DNAJC3: variants seen among roughly 807,000 people sequenced by gnomAD.
The protein encoded by DNAJC3 is DnaJ heat shock protein family (Hsp40) member C3.
Under a neutral mutation model 68.6 loss-of-function variants are expected in DNAJC3, and 38 were observed. The ratio of observed to expected loss-of-function variants is 0.55; its 90% CI spans 0.43 to 0.73. The LOEUF (loss-of-function observed/expected upper bound fraction) is 0.73. DNAJC3 is among the 30% of genes least tolerant of loss of function. The pLI is 0.00. For missense variants in DNAJC3, 526 were observed against 591.9 expected (o/e 0.89, Z 1.16); for synonymous variants, 203 against 204.0 (o/e 1.00, Z 0.04).
intron 2 of DNAJC3, 39 bp from the exon 3 acceptor site, chr13:95,723,203 G>T (rs761216529): frequency 6.6e-7 from 1 of 1,520,268 alleles, no homozygotes; most frequent in Non-Finnish European, 8.9e-7. Flanking sequence ...TTTTATTTTT[G>T]AATAAATGAC....
At chr13:95,735,912 A>G (rs1881900868) in intron 4 of DNAJC3, among the ~76,000 whole-genome samples, 1 of 152,166 alleles carries the variant, frequency 6.6e-6, no homozygotes, top group Admixed American at 6.5e-5. Context: ...TATGTCCTGA[A>G]TGGTAATGCC....
chr13:95,732,072 C>A (rs368715210), intron 4 of DNAJC3, among the ~76,000 whole-genome samples: 7 of 151,882 alleles, frequency 4.6e-5, no homozygotes, highest in African/African-American at 1.7e-4. Flanking sequence ...CTATTGGATT[C>A]ATTTGCTAGT....
intron 1 of DNAJC3, chr13:95,692,844 G>A (rs960474345): frequency 6.7e-5 from 9 of 135,010 alleles, no homozygotes; most frequent in Admixed American, 1.5e-4. Flanking sequence ...TTTTTGAGAC[G>A]GAGTCTTGAT....
chr13:95,724,731 G>T (rs1362331280), intron 3 of DNAJC3, among the ~76,000 whole-genome samples: 2 of 152,116 alleles, frequency 1.3e-5, no homozygotes, highest in African/African-American at 2.4e-5. Context: ...ATGTAACATC[G>T]TATAATGTTT....
At chr13:95,728,626 G>C (rs1019625296) in intron 4 of DNAJC3, among the ~76,000 whole-genome samples, 1 of 152,020 alleles carries the variant, frequency 6.6e-6, no homozygotes, top group Non-Finnish European at 1.5e-5. Context: ...CTTTTCCTTT[G>C]ATCCTCTTCA....
intron 1 of DNAJC3, among the ~76,000 whole-genome samples, chr13:95,690,923 C>T (rs1880226696): frequency 1.7e-5 from 2 of 119,440 alleles, no homozygotes; most frequent in African/African-American, 3.2e-5. Flanking sequence ...GGGGGCTGAC[C>T]CCCCCCACCT....
At chr13:95,768,983 T>TA (rs1883086787) in intron 9 of DNAJC3, among the ~76,000 whole-genome samples, 1 of 148,154 alleles carries the variant, frequency 6.7e-6, no homozygotes, top group Non-Finnish European at 1.5e-5. Flanking sequence ...CTCCAAAAAA[T>TA]TATCTATATC....
intron 2 of DNAJC3, among the ~76,000 whole-genome samples, chr13:95,712,088 T>C (rs1330870109): frequency 6.6e-6 from 1 of 152,212 alleles, no homozygotes; most frequent in African/African-American, 2.4e-5. Flanking sequence ...TCAGTATTAG[T>C]CATCACATTA....
At chr13:95,690,052 A>T (rs1171015508) in intron 1 of DNAJC3, among the ~76,000 whole-genome samples, 2 of 151,252 alleles carry the variant, frequency 1.3e-5, no homozygotes, top group Non-Finnish European at 2.9e-5. Context: ...TGGCAGGGTC[A>T]CAGGACAATA....
intron 1 of DNAJC3, among the ~76,000 whole-genome samples, chr13:95,687,726 C>A (rs1455514729): frequency 6.6e-6 from 1 of 152,076 alleles, no homozygotes; most frequent in African/African-American, 2.4e-5. Context: ...CAGCTTAGTT[C>A]TTTTTGCTAA....
chr13:95,685,448 G>C (rs1437262644), intron 1 of DNAJC3, among the ~76,000 whole-genome samples: 4 of 152,166 alleles, frequency 2.6e-5, no homozygotes, highest in African/African-American at 9.7e-5. Context: ...TGATTTTATA[G>C]GCTTATAGGT....
chr13:95,788,717 C>T (rs1170713027), intron 11 of DNAJC3, among the ~76,000 whole-genome samples: 2 of 152,220 alleles, frequency 1.3e-5, no homozygotes, highest in African/African-American at 4.8e-5. Context: ...GCTGAATTCA[C>T]TTCCCCTTCC....
In DNAJC3 at chr13:95,729,328, T is replaced by C. The variant is rs1230520133; in HGVS notation, c.393+4076T>C. Among the ~76,000 whole-genome samples the C allele has an allele frequency of 2.7e-5, 3 of 110,064 alleles. No homozygotes were observed. The Admixed American group carries it at 2.8e-4, about 10-fold the overall frequency. 72.2% of individuals were successfully genotyped at this position (110,064 alleles called of 152,430 possible). ...CCTCTCCTTCTCCCTCTCCCTGTCCTTTTCCCTCTCCCTCTCCTTCTCCCC... is the reference window on the plus strand; with the variant it reads ...CCTCTCCTTCTCCCTCTCCCTGTCCCTTTCCCTCTCCCTCTCCTTCTCCCC... On this transcript the variant is annotated intron_variant, in intron 4 of 11. Transcript: ENST00000602402.
chr13:95,681,874 G>A lies in DNAJC3; in HGVS notation c.82+4537G>A, dbSNP rs915893072. Among the ~76,000 whole-genome samples the A allele has an allele frequency of 4.6e-5, 7 of 152,096 alleles. No individual in the cohort carries two copies. The East Asian group carries it at 1.2e-3, about 25-fold the overall frequency. ...GAAAATGAAAGCCATCACAAGGCAA[G>A]TTCTTCTTTCTACCTCAAAATTCAC... On this transcript the variant is annotated intron_variant, in intron 1 of 11. Coordinates refer to ENST00000602402, the MANE Select transcript of DNAJC3 (RefSeq NM_006260.5).
intron 1 of DNAJC3, among the ~76,000 whole-genome samples, chr13:95,707,633 T>C (rs1880798221): frequency 6.6e-6 from 1 of 152,168 alleles, no homozygotes; most frequent in Non-Finnish European, 1.5e-5. Flanking sequence ...TGTGTGTCAC[T>C]CATGGTCCGT....
chr13:95,750,138 C>T lies in DNAJC3; in HGVS notation c.394-7506C>T, dbSNP rs1409091279. On this transcript the variant is annotated intron_variant, in intron 4 of 11. Transcript: ENST00000602402. ...TGTCTCCAATCGAACGCCTAAATGG[C>T]ATCTCAGTAACAGGGACAATGTGGA... Among the ~76,000 whole-genome samples, 3 of 152,032 alleles carry T rather than the reference C, an allele frequency of 2.0e-5. No individual in the cohort carries two copies. The East Asian group carries it at 5.8e-4, about 30-fold the overall frequency.
At chr13:95,745,118 A>C in intron 4 of DNAJC3, 1 of 152,344 alleles carries the variant, frequency 6.6e-6, no homozygotes, top group East Asian at 1.9e-4. Flanking sequence ...TTCATTAATA[A>C]GAATTATTTA....
chr13:95,677,143 C>A lies in DNAJC3; in HGVS notation c.-113C>A, dbSNP rs1487283643. The A allele has an allele frequency of 6.9e-6, 6 of 864,478 alleles. No homozygotes were observed. The highest frequency in any genetic ancestry group is 1.0e-5 in the Non-Finnish European group (6 of 581,950). 53.6% of individuals were successfully genotyped at this position (864,478 alleles called of 1,614,324 possible). A position where few individuals can be genotyped will look rare whatever the true frequency, so the allele number is the denominator to read the frequency against. ...TGCCTTCCTCTGCTGGGCTCCAGAG[C>A]CACTGAGGCCTGAGCGAGAGCCGAC... On this transcript the variant is annotated 5_prime_UTR_variant, in exon 1 of 12. Coordinates refer to ENST00000602402, the MANE Select transcript of DNAJC3 (RefSeq NM_006260.5).
Position 95,785,993 on chromosome 13 carries a change from G to C in DNAJC3, c.1130G>C (p.Arg377Pro), listed in dbSNP as rs762907929. ...CACAATGAAAATGATCAGCAGATTC[G>C]AGAAGGTCTAGAGAAAGCACAAAGA... ...QEHNENDQQI[R>P]EGLEKAQRLL... Residue 377 changes from arginine to proline, a missense_variant, in exon 10 of 12, where the codon CGA becomes CCA. Physicochemically the swap from Arg to Pro is moderately radical, Grantham distance 103. Coordinates refer to ENST00000602402, the MANE Select transcript of DNAJC3 (RefSeq NM_006260.5). 9.3e-6 allele frequency: 15 copies of C among 1,611,262 alleles called. No homozygotes were observed. The highest frequency in any genetic ancestry group is 1.2e-5 in the Non-Finnish European group (14 of 1,178,962).
Sources: gnomAD v4.1 joint callset for allele counts (sites outside exome capture counted in the v4.1 genomes callset) on GRCh38, gnomAD v4.1.1 for gene constraint, MANE v1.5 for transcripts, NCBI Gene and HGNC (gene_info 2026-07-23, HGNC 2026-07-21) for gene names.